PTPRK: variants seen among roughly 807,000 people sequenced by gnomAD.
The protein encoded by PTPRK is protein tyrosine phosphatase receptor type K.
A neutral mutation model predicts 178.0 loss-of-function variants in PTPRK; 75 were observed. That is an observed-to-expected ratio of 0.42 (90% confidence interval 0.35 to 0.51). The LOEUF (loss-of-function observed/expected upper bound fraction) is 0.51. Ranked by LOEUF, PTPRK falls within the 20% of genes least tolerant of loss-of-function variation. The pLI, the probability that PTPRK is intolerant of heterozygous loss-of-function variation, is 0.02. For synonymous variants in PTPRK, 637 were observed against 620.6 expected, an observed-to-expected ratio of 1.03 and a Z score of -0.39; for missense variants, 1,441 against 1,797.8, an observed-to-expected ratio of 0.80 and a Z score of 3.59.
At chr6:128,204,429 T>C (rs1806541982) in intron 6 of PTPRK, among the ~76,000 whole-genome samples, 1 of 151,776 alleles carries the variant, frequency 6.6e-6, no homozygotes, top group Admixed American at 6.6e-5. Flanking sequence ...AAATGGGATC[T>C]AACGAAAGAA....
chr6:128,126,549 T>C (rs1053362040), intron 7 of PTPRK, among the ~76,000 whole-genome samples: 7 of 152,156 alleles, frequency 4.6e-5, no homozygotes, highest in Non-Finnish European at 8.8e-5. Flanking sequence ...TGCAGTGGCA[T>C]GATCATGGCT....
At chr6:128,256,760 GA>G (rs1427498211) in intron 3 of PTPRK, among the ~76,000 whole-genome samples, 2 of 151,898 alleles carry the variant, frequency 1.3e-5, no homozygotes, top group Non-Finnish European at 2.9e-5. Context: ...TTCTATCTGG[GA>G]AAGCGGACAA....
chr6:128,473,961 C>T (rs894724050), intron 1 of PTPRK, among the ~76,000 whole-genome samples: 1 of 152,054 alleles, frequency 6.6e-6, no homozygotes. Context: ...AATTTTTAGT[C>T]TGTTCATGAA....
chr6:128,222,819 G>A (rs995682035), intron 5 of PTPRK, among the ~76,000 whole-genome samples: 3 of 152,066 alleles, frequency 2.0e-5, no homozygotes, highest in African/African-American at 7.2e-5. Flanking sequence ...TGCAGAAATC[G>A]GTCATTTGTT....
At chr6:128,508,144 C>T (rs1418156498) in intron 1 of PTPRK, among the ~76,000 whole-genome samples, 1 of 152,120 alleles carries the variant, frequency 6.6e-6, no homozygotes. Flanking sequence ...CAGTTACCAA[C>T]AAAGCCCCAA....
intron 3 of PTPRK, among the ~76,000 whole-genome samples, chr6:128,275,689 C>T (rs949381306): frequency 1.3e-5 from 2 of 151,914 alleles, no homozygotes; most frequent in African/African-American, 4.8e-5. Context: ...AAATATGGTT[C>T]CATTGAGTAG....
chr6:128,294,294 A>G (rs559865768), intron 3 of PTPRK, among the ~76,000 whole-genome samples: 1 of 152,028 alleles, frequency 6.6e-6, no homozygotes, highest in Non-Finnish European at 1.5e-5. Flanking sequence ...TAAGGTGTCC[A>G]TTATTGATTA....
At chr6:128,461,230 C>CTGTG in intron 1 of PTPRK, among the ~76,000 whole-genome samples, 1 of 141,186 alleles carries the variant, frequency 7.1e-6, no homozygotes, top group African/African-American at 2.8e-5. Context: ...TTTTGTTATT[C>CTGTG]CGTGTGTGTG....
intron 15 of PTPRK, among the ~76,000 whole-genome samples, chr6:128,004,709 G>A (rs1241928961): frequency 6.6e-6 from 1 of 151,766 alleles, no homozygotes; most frequent in Non-Finnish European, 1.5e-5. Context: ...TCGCAAAAGA[G>A]ACTTTCATCT....
intron 7 of PTPRK, among the ~76,000 whole-genome samples, chr6:128,146,125 A>G (rs1796448355): frequency 6.6e-6 from 1 of 152,136 alleles, no homozygotes; most frequent in Non-Finnish European, 1.5e-5. Flanking sequence ...CTTCCAGCAG[A>G]TCCAGGGTTA....
intron 13 of PTPRK, among the ~76,000 whole-genome samples, chr6:128,046,640 T>C (rs995022616): frequency 6.6e-6 from 1 of 152,208 alleles, no homozygotes; most frequent in Non-Finnish European, 1.5e-5. Context: ...ATTTAAGAAA[T>C]TAAGACTAGG....
At chr6:128,458,968 C>A (rs554893294) in intron 1 of PTPRK, among the ~76,000 whole-genome samples, 1 of 152,200 alleles carries the variant, frequency 6.6e-6, no homozygotes, top group East Asian at 1.9e-4. Context: ...GAAATACATG[C>A]ATTGACATTA....
chr6:128,129,461 C>T (rs1239747033), intron 7 of PTPRK, among the ~76,000 whole-genome samples: 2 of 152,078 alleles, frequency 1.3e-5, no homozygotes, highest in Non-Finnish European at 2.9e-5. Context: ...ATTAAGTATT[C>T]ACCTAAATTT....
At chr6:128,118,277 G>A (rs1791890471) in intron 7 of PTPRK, among the ~76,000 whole-genome samples, 1 of 152,130 alleles carries the variant, frequency 6.6e-6, no homozygotes. Context: ...ACATGGTGGC[G>A]TGTCTGTGTT....
chr6:128,159,333 A>G (rs866677678), intron 7 of PTPRK, among the ~76,000 whole-genome samples: 6 of 151,866 alleles, frequency 4.0e-5, no homozygotes, highest in African/African-American at 1.4e-4. Context: ...GAAGTAGATC[A>G]AAGCCCCAGA....
chr6:128,490,166 G>T (rs920509611), intron 1 of PTPRK, among the ~76,000 whole-genome samples: 33 of 152,068 alleles, frequency 2.2e-4, no homozygotes, highest in African/African-American at 6.3e-4. Context: ...TTTTCCAAAA[G>T]ATGACAGTCA....
intron 2 of PTPRK, among the ~76,000 whole-genome samples, chr6:128,377,631 C>G (rs562740644): frequency 6.6e-6 from 1 of 151,206 alleles, no homozygotes; most frequent in South Asian, 2.1e-4. Flanking sequence ...ATTTGTATTT[C>G]AAAATCATAT....
chr6:128,136,280 A>C (rs1795001666), intron 7 of PTPRK, among the ~76,000 whole-genome samples: 1 of 152,336 alleles, frequency 6.6e-6, no homozygotes, highest in South Asian at 2.1e-4. Flanking sequence ...CATCCTAGGC[A>C]GACAAATACA....
chr6:127,995,391 T>G, intron 18 of PTPRK, 71 bp downstream of exon 18: 1 of 1,490,938 alleles, frequency 6.7e-7, no homozygotes, highest in Non-Finnish European at 9.3e-7. Flanking sequence ...AATCACTTTA[T>G]AGGTAATAAG....
Sources: gnomAD v4.1 joint callset for allele counts (sites outside exome capture counted in the v4.1 genomes callset) on GRCh38, gnomAD v4.1.1 for gene constraint, MANE v1.5 for transcripts, NCBI Gene and HGNC (gene_info 2026-07-23, HGNC 2026-07-21) for gene names.